Variants in CA12 observed in about 807,000 individuals in gnomAD.
CA12 encodes carbonic anhydrase 12.
A neutral mutation model predicts 46.8 loss-of-function variants in CA12; 36 were observed. That is an observed-to-expected ratio of 0.77 (90% CI 0.59 to 1.02). The LOEUF is 1.02. Ranked by LOEUF, CA12 falls within the 50% of genes least tolerant of loss-of-function variation. The pLI is 0.00. For synonymous variants in CA12, 202 were observed against 187.0 expected (o/e 1.08, Z -0.65); for missense variants, 436 against 451.4 (o/e 0.97, Z 0.31).
chr15:63,327,181 CA>C lies in CA12; in HGVS notation c.959del (p.Val320GlyfsTer123), dbSNP rs1389558090. ...LAGILGICIV[V>X]VVSIWLFRRK... Reference sequence around the variant, plus strand: ...TTCTGAAAAGCCAAATGGACACCACCACCACAATACAGATGCCAAGAATGCC... The same window carrying C: ...TTCTGAAAAGCCAAATGGACACCACCCCACAATACAGATGCCAAGAATGCC... On this transcript the variant is annotated frameshift_variant, in exon 10 of 11. Coordinates refer to ENST00000178638, the MANE Select transcript of CA12 (RefSeq NM_001218.5). LOFTEE classifies it high-confidence loss of function. The surrounding 1 kb of genome is among the most constrained non-coding windows in gnomAD (Gnocchi z 4.5). The C allele has an allele frequency of 1.2e-6, 2 of 1,614,086 alleles. No homozygotes were observed. Among genetic ancestry groups the C allele is most frequent in the Non-Finnish European group, 1.7e-6 (2 of 1,179,994 alleles).
At chr15:63,354,935 C>A (rs1222938714) in intron 2 of CA12, among the ~76,000 whole-genome samples, 1 of 152,154 alleles carries the variant, frequency 6.6e-6, no homozygotes, top group Non-Finnish European at 1.5e-5. Context: ...GCTCCGCAGT[C>A]ATTTACACAC....
intron 2 of CA12, among the ~76,000 whole-genome samples, chr15:63,351,375 T>C (rs2039229316): frequency 6.6e-6 from 1 of 152,262 alleles, no homozygotes; most frequent in Non-Finnish European, 1.5e-5. Context: ...ACCAGATCAA[T>C]CTTGTCATAG....
chr15:63,327,323 G>A lies in CA12; in HGVS notation c.908-90C>T. ...CCGGGTGTGAAATCATGGCCCAGCT[G>A]CATAATCATCCACAGAAAGGAATAA... On this transcript the variant is annotated intron_variant, in intron 9 of 10. Coordinates refer to ENST00000178638, the MANE Select transcript of CA12 (RefSeq NM_001218.5). The surrounding 1 kb of genome is among the most constrained non-coding windows in gnomAD (Gnocchi z 4.5). 1.1e-6 allele frequency: 1 copy of A among 943,736 alleles called. No individual in the cohort carries two copies. The highest frequency in any genetic ancestry group is 1.7e-6 in the Non-Finnish European group (1 of 593,028). The allele number at this position is 943,736 out of a possible 1,614,324, so 58.5% of individuals were successfully genotyped here. A position where few individuals can be genotyped will look rare whatever the true frequency, so the allele number is the denominator to read the frequency against.
chr15:63,353,685 A>G (rs1275474095), intron 2 of CA12, among the ~76,000 whole-genome samples: 1 of 152,134 alleles, frequency 6.6e-6, no homozygotes, highest in Admixed American at 6.5e-5. Flanking sequence ...TCTGGAAACC[A>G]GACATCCTCA....
intron 4 of CA12, among the ~76,000 whole-genome samples, chr15:63,344,422 A>T (rs761979573): frequency 5.3e-5 from 8 of 152,224 alleles, no homozygotes; most frequent in Non-Finnish European, 1.5e-5. Context: ...TGAGTCTCAG[A>T]CACTTTTTGG....
At chr15:63,347,784 C>T (rs907426986) in intron 2 of CA12, among the ~76,000 whole-genome samples, 1 of 152,106 alleles carries the variant, frequency 6.6e-6, no homozygotes, top group African/African-American at 2.4e-5. Context: ...TAGGGTAGAC[C>T]CAGGGTGTCC....
chr15:63,352,621 A>G (rs919357627), intron 2 of CA12, among the ~76,000 whole-genome samples: 11 of 152,204 alleles, frequency 7.2e-5, no homozygotes, highest in Non-Finnish European at 2.9e-5. Flanking sequence ...CCTGGGCCCA[A>G]GCTCCAGGGT....
chr15:63,379,008 T>C (rs561770489), intron 1 of CA12: 5 of 152,396 alleles, frequency 3.3e-5, no homozygotes, highest in African/African-American at 9.6e-5. Flanking sequence ...TTTTCCCTGT[T>C]GTTGGAGTTC....
chr15:63,376,787 C>T (rs957585576), intron 1 of CA12, among the ~76,000 whole-genome samples: 7 of 151,484 alleles, frequency 4.6e-5, no homozygotes, highest in East Asian at 1.9e-4. Context: ...GGATTACAGG[C>T]GCGCACCACC....
At chr15:63,376,557 C>CTTT (rs754259500) in intron 1 of CA12, among the ~76,000 whole-genome samples, 3 of 104,622 alleles carry the variant, frequency 2.9e-5, no homozygotes, top group East Asian at 5.7e-4. Flanking sequence ...CTCTTTCTTT[C>CTTT]CTTTCTTTCT....
chr15:63,353,226 C>G (rs1190064421), intron 2 of CA12, among the ~76,000 whole-genome samples: 3 of 152,122 alleles, frequency 2.0e-5, no homozygotes, highest in East Asian at 3.9e-4. Flanking sequence ...ATGGAGGGAT[C>G]CCTGTCAAGC....
intron 4 of CA12, among the ~76,000 whole-genome samples, chr15:63,342,587 A>T (rs1180758051): frequency 6.6e-6 from 1 of 152,202 alleles, no homozygotes; most frequent in Non-Finnish European, 1.5e-5. Flanking sequence ...TGTTGATGTT[A>T]ATGAATGTGG....
intron 8 of CA12, among the ~76,000 whole-genome samples, chr15:63,335,122 T>C (rs1178199261): frequency 6.6e-6 from 1 of 152,202 alleles, no homozygotes; most frequent in Non-Finnish European, 1.5e-5. Flanking sequence ...GAAACAGTTT[T>C]GCCTGTTAAA....
chr15:63,340,601 C>T lies in CA12; in HGVS notation c.589+119G>A. 7.2e-7 allele frequency: 1 copy of T among 1,393,878 alleles called. No homozygotes were observed. Among genetic ancestry groups the T allele is most frequent in the Non-Finnish European group, 1.0e-6 (1 of 980,616 alleles). The allele number at this position is 1,393,878 out of a possible 1,614,324, so 86.3% of individuals were successfully genotyped here. On this transcript the variant is annotated intron_variant, in intron 6 of 10. Coordinates refer to ENST00000178638, the MANE Select transcript of CA12 (RefSeq NM_001218.5). This position sits in a 1 kb window ranked among gnomAD's most constrained non-coding sequence, Gnocchi z 4.4. ...TGCAACATTGTTCAACAACCTGCTGCTCTTAACCTGGTGAACACAGACAGC... is the reference window on the plus strand; with the variant it reads ...TGCAACATTGTTCAACAACCTGCTGTTCTTAACCTGGTGAACACAGACAGC...
At chr15:63,347,455 A>C (rs2039165751) in intron 2 of CA12, among the ~76,000 whole-genome samples, 1 of 152,224 alleles carries the variant, frequency 6.6e-6, no homozygotes, top group Admixed American at 6.5e-5. Context: ...TGAAGTGCAG[A>C]GTTTAAGCTG....
rs1001873129 is a variant in CA12, at chr15:63,374,120, C to T, written c.106+1538G>A. Reference sequence around the variant, plus strand: ...CAGACTTACTCCCTGCCCTGCCCCTCCAGGAGCAGGACAAAGTGGGAAAGG... The same window carrying T: ...CAGACTTACTCCCTGCCCTGCCCCTTCAGGAGCAGGACAAAGTGGGAAAGG... On this transcript the variant is annotated intron_variant, in intron 2 of 10. Transcript: ENST00000178638. This position sits in a 1 kb window ranked among gnomAD's most constrained non-coding sequence, Gnocchi z 4.4. Among the ~76,000 whole-genome samples the T allele has an allele frequency of 6.6e-6, 1 of 152,132 alleles. No homozygotes were observed. Among genetic ancestry groups the T allele is most frequent in the African/African-American group, 2.4e-5 (1 of 41,418 alleles).
chr15:63,328,708 G>T lies in CA12; in HGVS notation c.875-578C>A, dbSNP rs1284066238. ...TGAGTTTTTGTTTGTTTGTTTGTTT[G>T]TGTTTTTTTTGAGACAGAGTCTCGC... On this transcript the variant is annotated intron_variant, in intron 8 of 10. Transcript: ENST00000178638. This position sits in a 1 kb window ranked among gnomAD's most constrained non-coding sequence, Gnocchi z 5.9. Among the ~76,000 whole-genome samples the T allele has an allele frequency of 6.6e-6, 1 of 151,494 alleles. No homozygotes were observed. Among genetic ancestry groups the T allele is most frequent in the African/African-American group, 2.4e-5 (1 of 41,202 alleles).
In CA12 at chr15:63,328,010, A is replaced by G; in HGVS notation, c.907+88T>C. ...GCCAGGAGCCAGAGCAATAGTACAG[A>G]GAAGCAGAGAGGACGGGCTTGGATC... is the stretch of plus-strand genomic sequence containing the variant. On this transcript the variant is annotated intron_variant, in intron 9 of 10. Coordinates refer to ENST00000178638, the MANE Select transcript of CA12 (RefSeq NM_001218.5). The surrounding 1 kb of genome is among the most constrained non-coding windows in gnomAD (Gnocchi z 5.9). 1 of 1,254,708 alleles carries G rather than the reference A, an allele frequency of 8.0e-7. No individual in the cohort carries two copies. Among genetic ancestry groups the G allele is most frequent in the Non-Finnish European group, 1.2e-6 (1 of 854,966 alleles). The allele number at this position is 1,254,708 out of a possible 1,614,324, so 77.7% of individuals were successfully genotyped here.
At chr15:63,352,533 T>G (rs537615712) in intron 2 of CA12, among the ~76,000 whole-genome samples, 1 of 152,236 alleles carries the variant, frequency 6.6e-6, no homozygotes, top group East Asian at 1.9e-4. Flanking sequence ...CCATGACACT[T>G]CTTGGAGGTC....
Sources: gnomAD v4.1 joint callset for allele counts (sites outside exome capture counted in the v4.1 genomes callset) on GRCh38, gnomAD v4.1.1 for gene constraint, Gnocchi (gnomAD v3.1) non-coding constraint, MANE v1.5 for transcripts, NCBI Gene and HGNC (gene_info 2026-07-23, HGNC 2026-07-21) for gene names.